Variants in YWHAZ observed in about 807,000 individuals in gnomAD.
YWHAZ encodes the protein tyrosine 3-monooxygenase/tryptophan 5-monooxygenase activation protein zeta.
For synonymous variants in YWHAZ, 87 were observed against 103.6 expected, an observed-to-expected ratio of 0.84 and a Z score of 0.97; for missense variants, 79 against 284.8, an observed-to-expected ratio of 0.28 and a Z score of 5.20.
rs2130224323 is a variant in YWHAZ at position 100,934,358 on chromosome 8, A to AAAGGAG, written c.295-9320_295-9319insCTCCTT. On this transcript the variant is annotated intron_variant, in intron 2 of 5. Coordinates refer to ENST00000395958, the MANE Select transcript of YWHAZ (RefSeq NM_145690.3). ...TTTTTTTAAAAGGAGGGTCTGGCTA[A>AAAGGAG]GTAAGTTGCTACATACCCAAATAAT... 2.0e-5 allele frequency among the ~76,000 whole-genome samples: 3 copies of AAAGGAG among 150,762 alleles called. No homozygotes were observed. The South Asian group carries it at 6.3e-4, about 32-fold the overall frequency.
chr8:100,936,069 T>G (rs985249041), intron 2 of YWHAZ, among the ~76,000 whole-genome samples: 1 of 152,188 alleles, frequency 6.6e-6, no homozygotes, highest in Non-Finnish European at 1.5e-5. Context: ...TCCTGAAGAA[T>G]AGCCAACCTG....
chr8:100,939,906 C>A (rs1814502462), intron 2 of YWHAZ, among the ~76,000 whole-genome samples: 1 of 151,748 alleles, frequency 6.6e-6, no homozygotes, highest in African/African-American at 2.4e-5. Context: ...ACCTGTAGTC[C>A]CAGCTACTAG....
At chr8:100,927,346 G>C (rs1394212083) in intron 2 of YWHAZ, among the ~76,000 whole-genome samples, 5 of 152,126 alleles carry the variant, frequency 3.3e-5, no homozygotes, top group Non-Finnish European at 7.4e-5. Context: ...GTGAACATGA[G>C]ATCCTGCCTC....
chr8:100,936,625 A>G (rs34865637), intron 2 of YWHAZ, among the ~76,000 whole-genome samples: 4,096 of 152,240 alleles, frequency 0.027, 75 homozygotes, highest in Non-Finnish European at 0.04. Context: ...ACATGGTGAA[A>G]CCCCACCTCT....
chr8:100,941,752 T>C (rs574258206), intron 2 of YWHAZ, among the ~76,000 whole-genome samples: 1 of 149,702 alleles, frequency 6.7e-6, no homozygotes, highest in Non-Finnish European at 1.5e-5. Context: ...GCCACTGCAC[T>C]CCAGCCTGGA....
intron 2 of YWHAZ, among the ~76,000 whole-genome samples, chr8:100,942,182 T>A (rs1313270804): frequency 6.6e-6 from 1 of 152,196 alleles, no homozygotes; most frequent in Non-Finnish European, 1.5e-5. Context: ...CACAAAATGA[T>A]CTTACTGATA....
At chr8:100,923,720 T>G (rs1813181805) in intron 5 of YWHAZ, 2 of 354,626 alleles carry the variant, frequency 5.6e-6, no homozygotes, top group East Asian at 9.4e-5. Context: ...TAACAAATTT[T>G]AACAAGACAG....
intron 2 of YWHAZ, among the ~76,000 whole-genome samples, chr8:100,936,964 A>C (rs1262468642): frequency 6.6e-6 from 1 of 152,244 alleles, no homozygotes; most frequent in Non-Finnish European, 1.5e-5. Context: ...GAGACATGTA[A>C]GCAAAATGCA....
At chr8:100,934,689 A>T in intron 2 of YWHAZ, among the ~76,000 whole-genome samples, 1 of 152,104 alleles carries the variant, frequency 6.6e-6, no homozygotes, top group South Asian at 2.1e-4. Context: ...GTCTCCAAAA[A>T]ACAAAAGAGT....
Position 100,917,930 on chromosome 8 carries a change from G to C in YWHAZ, c.*2763C>G, listed in dbSNP as rs1812771061. 6.6e-6 allele frequency: 1 copy of C among 152,156 alleles called. No homozygotes were observed. Among genetic ancestry groups the C allele is most frequent in the African/African-American group, 2.4e-5 (1 of 41,454 alleles). The allele number at this position is 152,156 out of a possible 1,614,324, so 9.4% of individuals were successfully genotyped here. On this transcript the variant is annotated 3_prime_UTR_variant, in exon 6 of 6. Transcript: ENST00000395958. ...TTAATCTATTGGGAACTACTATGTA[G>C]AAAACATTAGTTAATACTAGTGAAG...
intron 2 of YWHAZ, among the ~76,000 whole-genome samples, chr8:100,947,773 T>C (rs1187737821): frequency 6.6e-6 from 1 of 152,224 alleles, no homozygotes; most frequent in Non-Finnish European, 1.5e-5. Flanking sequence ...CCCCTCTTTG[T>C]ATATCAGAGC....
At chr8:100,933,204 C>G (rs1813879995) in intron 2 of YWHAZ, among the ~76,000 whole-genome samples, 1 of 151,986 alleles carries the variant, frequency 6.6e-6, no homozygotes, top group Non-Finnish European at 1.5e-5. Flanking sequence ...ACTAAAAATA[C>G]AAAAATTAGC....
chr8:100,951,829 G>C, intron 1 of YWHAZ, 100 bp downstream of exon 1: 1 of 985,798 alleles, frequency 1.0e-6, no homozygotes, highest in South Asian at 4.6e-5. Flanking sequence ...GCCACCGCGG[G>C]GCGAGTGGGG....
intron 2 of YWHAZ, among the ~76,000 whole-genome samples, chr8:100,925,765 G>A (rs1348049406): frequency 3.3e-5 from 5 of 152,120 alleles, no homozygotes; most frequent in African/African-American, 1.2e-4. Flanking sequence ...TACAATCTGA[G>A]TCATTTGATT....
Position 100,916,786 on chromosome 8 carries a change from C to T in YWHAZ, c.*3907G>A, listed in dbSNP as rs555248103. 1 of 152,310 alleles carries T rather than the reference C, an allele frequency of 6.6e-6. No homozygotes were observed. The highest frequency in any genetic ancestry group is 2.1e-4 in the South Asian group (1 of 4,828). The allele number at this position is 152,310 out of a possible 1,614,324, so 9.4% of individuals were successfully genotyped here. On this transcript the variant is annotated 3_prime_UTR_variant, in exon 6 of 6. Transcript: ENST00000395958. ...TGCCTGCTTGTCTGGCAAGGTTGGACATCCTGTTACAATCTATATTCAGGT... is the reference window on the plus strand; with the variant it reads ...TGCCTGCTTGTCTGGCAAGGTTGGATATCCTGTTACAATCTATATTCAGGT...
chr8:100,928,717 G>C (rs890582063), intron 2 of YWHAZ, among the ~76,000 whole-genome samples: 4 of 150,332 alleles, frequency 2.7e-5, no homozygotes, highest in Non-Finnish European at 5.9e-5. Context: ...TGGGCAACAA[G>C]AGTGAAACTC....
intron 2 of YWHAZ, among the ~76,000 whole-genome samples, chr8:100,933,374 A>T (rs180995332): frequency 3.9e-4 from 59 of 151,956 alleles, no homozygotes; most frequent in African/African-American, 1.4e-3. Context: ...AAAAAAAGGA[A>T]GAAAATAGTT....
rs1813060950 is a variant in YWHAZ at position 100,922,076 on chromosome 8, G to A, written c.679-1324C>T. On this transcript the variant is annotated intron_variant, in intron 5 of 5. Transcript: ENST00000395958. This position sits in a 1 kb window ranked among gnomAD's most constrained non-coding sequence, Gnocchi z 4.1. ...CTCTTGGAAACTGTGTGCTCCTCCT[G>A]TCAAACAAGGGGTTTTGTAATTGCA... 2.0e-5 allele frequency among the ~76,000 whole-genome samples: 3 copies of A among 152,184 alleles called. No individual in the cohort carries two copies. The highest frequency in any genetic ancestry group is 7.2e-5 in the African/African-American group (3 of 41,438).
chr8:100,948,056 T>C lies in YWHAZ; in HGVS notation c.294+540A>G, dbSNP rs1810437960. 1 of 1,516,980 alleles carries C rather than the reference T, an allele frequency of 6.6e-7. No homozygotes were observed. The highest frequency in any genetic ancestry group is 8.8e-7 in the Non-Finnish European group (1 of 1,132,410). The allele number at this position is 1,516,980 out of a possible 1,614,324, so 94.0% of individuals were successfully genotyped here. On this transcript the variant is annotated intron_variant, in intron 2 of 5. Coordinates refer to ENST00000395958, the MANE Select transcript of YWHAZ (RefSeq NM_145690.3). This position sits in a 1 kb window ranked among gnomAD's most constrained non-coding sequence, Gnocchi z 4.2. ...AGTTGTTCATAACCTTTCATCATGG[T>C]TGTGAGTGTTCAAAATTTACCTTCA...
Sources: gnomAD v4.1 joint callset for allele counts (sites outside exome capture counted in the v4.1 genomes callset) on GRCh38, gnomAD v4.1.1 for gene constraint, Gnocchi (gnomAD v3.1) non-coding constraint, MANE v1.5 for transcripts, NCBI Gene and HGNC (gene_info 2026-07-23, HGNC 2026-07-21) for gene names.